The following PPP2R3A variants were observed in gnomAD, a reference collection of about 807,000 sequenced individuals.
PPP2R3A encodes the protein protein phosphatase 2 regulatory subunit B''alpha, also known as serine/threonine-protein phosphatase 2A regulatory subunit B'' subunit alpha.
PPP2R3A carries 80 observed loss-of-function variants against 106.9 expected under a neutral mutation model. That is an observed-to-expected ratio of 0.75 (90% CI 0.62 to 0.90). The LOEUF (loss-of-function observed/expected upper bound fraction) is 0.90, where lower values mean the gene tolerates loss of function less well. PPP2R3A is among the 40% of genes least tolerant of loss of function. The pLI is 0.00. For synonymous variants in PPP2R3A, 483 were observed against 468.3 expected (o/e 1.03, Z -0.41); for missense variants, 1,386 against 1,350.4 (o/e 1.03, Z -0.41).
chr3:136,029,438 A>C (rs1348126560), intron 3 of PPP2R3A, among the ~76,000 whole-genome samples: 2 of 152,124 alleles, frequency 1.3e-5, no homozygotes, highest in African/African-American at 4.8e-5. Context: ...AGCACTCCAC[A>C]GATTCAGTGA....
At chr3:136,075,829 A>G (rs184334285) in intron 6 of PPP2R3A, among the ~76,000 whole-genome samples, 122 of 152,354 alleles carry the variant, frequency 8.0e-4, no homozygotes, top group African/African-American at 2.9e-3. Context: ...AATAATATAT[A>G]TTGAAATTGA....
chr3:136,060,043 T>A (rs1456913851), intron 5 of PPP2R3A, among the ~76,000 whole-genome samples: 2 of 152,168 alleles, frequency 1.3e-5, no homozygotes, highest in Non-Finnish European at 2.9e-5. Flanking sequence ...ATGGGCCTAA[T>A]ACCTGGGTGA....
rs187406885 is a variant in PPP2R3A, at chr3:135,977,943, C to T, written c.-441+12094C>T. On this transcript the variant is annotated intron_variant, in intron 1 of 13. Coordinates refer to ENST00000264977, the MANE Select transcript of PPP2R3A (RefSeq NM_002718.5). ...TTGAACTCCTAAGCTAAAAGCTATCCGCCTGCCTCAGCCTCCCAAAGTGCC... is the reference window on the plus strand; with the variant it reads ...TTGAACTCCTAAGCTAAAAGCTATCTGCCTGCCTCAGCCTCCCAAAGTGCC... Among the ~76,000 whole-genome samples, 539 of 151,962 alleles carry T rather than the reference C, an allele frequency of 3.5e-3. 4 individuals are homozygous for T. The highest frequency in any genetic ancestry group is 0.012 in the African/African-American group (498 of 41,460).
chr3:136,135,724 T>C (rs993684868), intron 13 of PPP2R3A, among the ~76,000 whole-genome samples: 2 of 152,072 alleles, frequency 1.3e-5, no homozygotes, highest in Non-Finnish European at 2.9e-5. Flanking sequence ...TGATAAATAG[T>C]AGCTATTACT....
chr3:135,967,248 A>G (rs1465736696), intron 1 of PPP2R3A, among the ~76,000 whole-genome samples: 1 of 152,176 alleles, frequency 6.6e-6, no homozygotes, highest in Non-Finnish European at 1.5e-5. Flanking sequence ...GAGAACGGGG[A>G]AACAGATCAA....
intron 2 of PPP2R3A, among the ~76,000 whole-genome samples, chr3:136,015,794 TTTG>T (rs1221982344): frequency 1.3e-5 from 2 of 152,130 alleles, no homozygotes; most frequent in East Asian, 1.9e-4. Context: ...TTTTGCATTT[TTTG>T]TTGTTGTTTG....
rs764293011 is a variant in PPP2R3A at position 136,082,397 on chromosome 3, G to T, written c.2764G>T (p.Asp922Tyr). 1.2e-6 allele frequency: 2 copies of T among 1,613,778 alleles called. No individual in the cohort carries two copies. The highest frequency in any genetic ancestry group is 1.1e-5 in the South Asian group (1 of 91,060). The change falls in exon 8 of 14, where the codon GAT (aspartate) becomes TAT (tyrosine). Residue 922 changes from aspartate (D) to tyrosine (Y), a missense_variant. Asp to Tyr is a radical substitution (Grantham distance 160, BLOSUM62 -3). Transcript: ENST00000264977. ...TDHDLYISQADLSRYNDQASS... is the reference protein window; with the variant it reads ...TDHDLYISQAYLSRYNDQASS... ...TCACGACCTCTACATCAGCCAGGCC[G>T]ATCTGTCTCGATACAATGACCAGGG...
intron 13 of PPP2R3A, among the ~76,000 whole-genome samples, chr3:136,108,107 G>A (rs1213713412): frequency 6.6e-6 from 1 of 152,140 alleles, no homozygotes; most frequent in African/African-American, 2.4e-5. Flanking sequence ...CAGCTACTCA[G>A]GAGGCTGAGG....
intron 5 of PPP2R3A, chr3:136,055,322 T>C: frequency 1.1e-6 from 1 of 917,828 alleles, no homozygotes; most frequent in Admixed American, 1.7e-5. Context: ...CATCTTTACA[T>C]TGCTCAATTT....
rs1344810953 is a variant in PPP2R3A, at chr3:136,004,386, A to G, written c.1995+893A>G. 4.6e-5 allele frequency among the ~76,000 whole-genome samples: 7 copies of G among 152,110 alleles called. No homozygotes were observed. The South Asian group carries it at 1.0e-3, about 23-fold the overall frequency. ...TCCATGTTCTTACTGCTGCCCATTGACCCATCTAGGATATGTGGCTTTTGA... is the reference window on the plus strand; with the variant it reads ...TCCATGTTCTTACTGCTGCCCATTGGCCCATCTAGGATATGTGGCTTTTGA... On this transcript the variant is annotated intron_variant, in intron 2 of 13. Coordinates refer to ENST00000264977, the MANE Select transcript of PPP2R3A (RefSeq NM_002718.5).
chr3:136,061,926 CAAA>C (rs369373163), intron 5 of PPP2R3A, among the ~76,000 whole-genome samples: 7 of 84,160 alleles, frequency 8.3e-5, no homozygotes, highest in Admixed American at 1.4e-4. Flanking sequence ...GACTCTATCT[CAAA>C]AAAAAAAAAA....
At position 136,115,225 on chromosome 3, in the gene PPP2R3A, CAG is replaced by C. The variant is rs541534083; in HGVS notation, c.3329+8907_3329+8908del. Among the ~76,000 whole-genome samples the C allele has an allele frequency of 2.1e-3, 326 of 152,060 alleles. 2 individuals carry two copies. Among genetic ancestry groups the C allele is most frequent in the South Asian group, 1.9e-3 (9 of 4,824 alleles). The stretch of plus-strand genomic sequence containing the variant: ...AACAGAAAAGAATAGCATGTCTACT[CAG>C]AGACCCCATCCAAAGGTCACCAACA... On this transcript the variant is annotated intron_variant, in intron 13 of 13. Transcript: ENST00000264977.
At chr3:136,111,952 T>C (rs1937598445) in intron 13 of PPP2R3A, among the ~76,000 whole-genome samples, 1 of 152,184 alleles carries the variant, frequency 6.6e-6, no homozygotes, top group Admixed American at 6.5e-5. Context: ...ACCACAATCA[T>C]GTAGGCTTTA....
intron 13 of PPP2R3A, among the ~76,000 whole-genome samples, chr3:136,107,397 C>CCTAT (rs1194976168): frequency 4.6e-5 from 7 of 151,544 alleles, no homozygotes; most frequent in South Asian, 2.1e-4. Flanking sequence ...TCTCTCTCCA[C>CCTAT]CTATCTATGT....
intron 10 of PPP2R3A, among the ~76,000 whole-genome samples, chr3:136,098,304 A>G (rs540748564): frequency 1.3e-5 from 2 of 152,348 alleles, no homozygotes; most frequent in African/African-American, 4.8e-5. Context: ...TAACAGAATG[A>G]GAGCCTATCT....
chr3:135,997,874 C>A (rs1933462814), intron 1 of PPP2R3A, among the ~76,000 whole-genome samples: 1 of 152,160 alleles, frequency 6.6e-6, no homozygotes, highest in African/African-American at 2.4e-5. Context: ...ATTATCATAA[C>A]CTCCTAATCG....
rs4678432 is a variant in PPP2R3A, at chr3:136,001,399, T to C, written c.-100T>C. 290,205 of 1,014,032 alleles carry C rather than the reference T, an allele frequency of 0.29. 42,516 individuals carry two copies. Among genetic ancestry groups the C allele is most frequent in the African/African-American group, 0.41 (25,660 of 62,066 alleles). The allele number at this position is 1,014,032 out of a possible 1,614,324, so 62.8% of individuals were successfully genotyped here. A position where few individuals can be genotyped will look rare whatever the true frequency, so the allele number is the denominator to read the frequency against. On this transcript the variant is annotated 5_prime_UTR_variant, in exon 2 of 14. Transcript: ENST00000264977. ...TATATTTGGAAGAAACCACTGAACA[T>C]TGTTATTAAATATATTTTCAGCTAA...
chr3:136,031,188 C>T (rs1934877166), intron 3 of PPP2R3A, among the ~76,000 whole-genome samples: 1 of 151,694 alleles, frequency 6.6e-6, no homozygotes, highest in Non-Finnish European at 1.5e-5. Flanking sequence ...TGTGGTTTTG[C>T]AGGGGTTAAG....
Position 136,106,278 on chromosome 3 carries a change from G to C in PPP2R3A, c.3285G>C (p.Glu1095Asp), listed in dbSNP as rs1376797892. The change falls in exon 13 of 14, where the codon GAG (glutamate) becomes GAC (aspartate). Residue 1095 changes from glutamate to aspartate, a missense_variant. Transcript: ENST00000264977. ...ACCGGTTTGCCGCTGAGGAGTATGA[G>C]ACGCTTGTTGCAGAGGAATCTGCCC... Reference protein sequence around the residue: ...DWDRFAAEEYETLVAEESAQA... With the variant: ...DWDRFAAEEYDTLVAEESAQA... 1.2e-6 allele frequency: 2 copies of C among 1,613,736 alleles called. No individual in the cohort carries two copies. Among genetic ancestry groups the C allele is most frequent in the African/African-American group, 1.3e-5 (1 of 74,910 alleles).
Sources: gnomAD v4.1 joint callset for allele counts (sites outside exome capture counted in the v4.1 genomes callset) on GRCh38, gnomAD v4.1.1 for gene constraint, MANE v1.5 for transcripts, NCBI Gene and HGNC (gene_info 2026-07-23, HGNC 2026-07-21) for gene names.